ANO10: variants seen among roughly 807,000 people sequenced by gnomAD.
ANO10 encodes anoctamin-10.
ANO10 carries 77 observed loss-of-function variants against 74.7 expected under a neutral mutation model. The observed-to-expected ratio is 1.03, with a 90% CI of 0.86 to 1.25. ANO10 has a LOEUF of 1.25. Among genes scored for constraint, ANO10 ranks in the 50% most tolerant of loss-of-function variants. The pLI is 0.00. For missense variants in ANO10, 721 were observed against 778.1 expected (o/e 0.93, Z 0.87); for synonymous variants, 279 against 284.9 (o/e 0.98, Z 0.21).
intron 1 of ANO10, among the ~76,000 whole-genome samples, chr3:43,637,176 A>AG (rs1491123154): frequency 6.7e-6 from 1 of 150,372 alleles, no homozygotes; most frequent in African/African-American, 2.5e-5. Flanking sequence ...TCTCAAAAAA[A>AG]CAAACAAAAA....
At chr3:43,388,208 C>T (rs1333051246) in intron 12 of ANO10, among the ~76,000 whole-genome samples, 3 of 152,128 alleles carry the variant, frequency 2.0e-5, no homozygotes, top group African/African-American at 7.2e-5. Context: ...CAAACCACAC[C>T]AGGTTCCTCC....
At chr3:43,545,083 A>G (rs2079123968) in intron 11 of ANO10, among the ~76,000 whole-genome samples, 1 of 152,108 alleles carries the variant, frequency 6.6e-6, no homozygotes, top group Non-Finnish European at 1.5e-5. Flanking sequence ...TTAAAAATTT[A>G]TGAGAATTTT....
chr3:43,462,461 C>G (rs2075421212), intron 11 of ANO10, among the ~76,000 whole-genome samples: 1 of 152,080 alleles, frequency 6.6e-6, no homozygotes, highest in South Asian at 2.1e-4. Context: ...GAACTCCTGA[C>G]CTCAGGTAAT....
intron 12 of ANO10, among the ~76,000 whole-genome samples, chr3:43,393,809 T>C (rs1403324337): frequency 6.6e-6 from 1 of 152,140 alleles, no homozygotes; most frequent in East Asian, 1.9e-4. Context: ...GGTTCCCCTT[T>C]CCAATCTCCT....
rs1161590701 is a variant in ANO10 at position 43,581,037 on chromosome 3, ACAAATAC to A, written c.473-572_473-566del. Among the ~76,000 whole-genome samples the A allele has an allele frequency of 1.2e-4, 18 of 152,292 alleles. No individual in the cohort carries two copies. The South Asian group carries it at 1.9e-3, about 16-fold the overall frequency. On this transcript the variant is annotated intron_variant, in intron 4 of 12. Coordinates refer to ENST00000292246, the MANE Select transcript of ANO10 (RefSeq NM_018075.5). ...TATTGTAAATAATGCTAAAATTTGTACAAATACCTTTCCCTACCTGTCTACTATTTCC... is the reference window on the plus strand; with the variant it reads ...TATTGTAAATAATGCTAAAATTTGTACTTTCCCTACCTGTCTACTATTTCC...
At chr3:43,431,930 T>C (rs1195648115) in intron 12 of ANO10, among the ~76,000 whole-genome samples, 1 of 152,110 alleles carries the variant, frequency 6.6e-6, no homozygotes, top group Non-Finnish European at 1.5e-5. Context: ...AAGGAGTATG[T>C]GTCCAGGAGG....
Position 43,595,282 on chromosome 3 carries a change from A to T in ANO10, c.472+3250T>A, listed in dbSNP as rs150874813. ...ATTTTATGAGGCCAGCATCATCCTG[A>T]TACCAAAGCCTGGCAGAGACACAAC... On this transcript the variant is annotated intron_variant, in intron 4 of 12. Coordinates refer to ENST00000292246, the MANE Select transcript of ANO10 (RefSeq NM_018075.5). Among the ~76,000 whole-genome samples the T allele has an allele frequency of 5.2e-3, 798 of 152,352 alleles. 5 individuals are homozygous for T. Among genetic ancestry groups the T allele is most frequent in the African/African-American group, 0.017 (725 of 41,582 alleles).
intron 11 of ANO10, among the ~76,000 whole-genome samples, chr3:43,521,505 C>A (rs928508203): frequency 1.1e-4 from 16 of 152,112 alleles, no homozygotes; most frequent in African/African-American, 3.9e-4. Context: ...GCTCTTGAGA[C>A]AAATGATATA....
At chr3:43,378,764 CT>C (rs1424513177) in intron 12 of ANO10, among the ~76,000 whole-genome samples, 1 of 152,142 alleles carries the variant, frequency 6.6e-6, no homozygotes, top group African/African-American at 2.4e-5. Context: ...GGCACCCCTT[CT>C]ATAGAGCCTG....
At chr3:43,503,312 G>A (rs531333273) in intron 11 of ANO10, among the ~76,000 whole-genome samples, 4 of 152,192 alleles carry the variant, frequency 2.6e-5, no homozygotes, top group African/African-American at 9.6e-5. Flanking sequence ...ATACTGAAAG[G>A]AAGATTCTAA....
intron 11 of ANO10, among the ~76,000 whole-genome samples, chr3:43,495,752 G>A (rs1221302652): frequency 6.6e-6 from 1 of 151,818 alleles, no homozygotes; most frequent in East Asian, 1.9e-4. Flanking sequence ...CCAGGCTGGA[G>A]AGCAGTGGCG....
chr3:43,605,689 T>C (rs538952159), intron 2 of ANO10, 25 bp downstream of exon 2: 103 of 1,612,452 alleles, frequency 6.4e-5, no homozygotes, highest in Non-Finnish European at 8.4e-5. Flanking sequence ...CCAGACTAAG[T>C]CTGAGCAGTG....
Position 43,620,772 on chromosome 3 carries a change from AC to A in ANO10, c.-12+1136del, listed in dbSNP as rs1219078960. ...AGAGCAAGACTCCGTCTCAAAAAAA[AC>A]AAAAAGAAAAAAGTTTCAGTGGGTT... On this transcript the variant is annotated intron_variant, in intron 1 of 12. Transcript: ENST00000292246. Among the ~76,000 whole-genome samples, 4 of 152,246 alleles carry A rather than the reference AC, an allele frequency of 2.6e-5. 1 individual carries two copies. In the East Asian group the frequency reaches 5.8e-4, roughly 22 times the overall value.
intron 12 of ANO10, among the ~76,000 whole-genome samples, chr3:43,392,305 A>T (rs2092292707): frequency 1.3e-5 from 2 of 152,224 alleles, no homozygotes; most frequent in Admixed American, 6.5e-5. Context: ...TTTCTTGATC[A>T]TTCTTTCAGT....
chr3:43,626,538 T>C (rs918419597), upstream of ANO10, among the ~76,000 whole-genome samples: 3 of 152,028 alleles, frequency 2.0e-5, no homozygotes, highest in Admixed American at 2.0e-4. Flanking sequence ...TGACCTCAAG[T>C]GATCTGCCCA....
chr3:43,649,837 C>G (rs1472329859), intron 1 of ANO10, among the ~76,000 whole-genome samples: 1 of 152,178 alleles, frequency 6.6e-6, no homozygotes, highest in Non-Finnish European at 1.5e-5. Context: ...TCAGTCACCA[C>G]TGCTGCTCAA....
intron 11 of ANO10, among the ~76,000 whole-genome samples, chr3:43,548,925 C>T (rs1055256712): frequency 3.9e-5 from 6 of 152,170 alleles, no homozygotes; most frequent in African/African-American, 9.7e-5. Flanking sequence ...AATTATCTAT[C>T]GTCCTACAAA....
intron 11 of ANO10, among the ~76,000 whole-genome samples, chr3:43,497,428 G>A (rs2076956025): frequency 6.6e-6 from 1 of 152,210 alleles, no homozygotes; most frequent in Non-Finnish European, 1.5e-5. Flanking sequence ...TGGGAGAACT[G>A]TCTTCAGAGT....
intron 1 of ANO10, among the ~76,000 whole-genome samples, chr3:43,679,597 T>C (rs2084167963): frequency 6.6e-6 from 1 of 152,128 alleles, no homozygotes; most frequent in South Asian, 2.1e-4. Context: ...GAGTAGTGGT[T>C]CTCCCAGCAC....
Sources: allele counts gnomAD v4.1 joint callset (sites outside exome capture counted in the v4.1 genomes callset), GRCh38; gene constraint gnomAD v4.1.1; transcripts MANE v1.5; gene names NCBI Gene and HGNC (gene_info 2026-07-23, HGNC 2026-07-21).